Variants in B4GALNT2 observed in about 807,000 individuals in gnomAD.
The protein encoded by B4GALNT2 is N-acetylneuraminylgalactosylglucosyl-glucoside beta-1,4-N- acetylgalactosaminyltransferase 2.
A neutral mutation model predicts 51.1 loss-of-function variants in B4GALNT2; 42 were observed. That is an observed-to-expected ratio of 0.82 (90% confidence interval 0.64 to 1.06). B4GALNT2 has a LOEUF of 1.06. Among genes scored for constraint, B4GALNT2 ranks in the 50% least tolerant of loss-of-function variants. The probability of loss-of-function intolerance (pLI) is 0.00; values close to 1 mark genes in which losing one functional copy is unlikely to be tolerated. For missense variants in B4GALNT2, 602 were observed against 633.6 expected, an observed-to-expected ratio of 0.95 and a Z score of 0.54; for synonymous variants, 253 against 251.7, an observed-to-expected ratio of 1.01 and a Z score of -0.05.
intron 8 of B4GALNT2, 120 bp downstream of exon 8, chr17:49,164,395 G>A: frequency 2.3e-6 from 2 of 862,472 alleles, no homozygotes; most frequent in South Asian, 3.4e-5. Context: ...GAGTCCAGGA[G>A]TGGGAGTGGG....
intron 7 of B4GALNT2, among the ~76,000 whole-genome samples, chr17:49,161,014 C>T (rs1209720579): frequency 1.3e-5 from 2 of 152,102 alleles, no homozygotes; most frequent in Non-Finnish European, 2.9e-5. Context: ...GTGACTCATG[C>T]CTGTAATCTC....
In B4GALNT2 at chr17:49,170,006, C is replaced by A; in HGVS notation, c.*278C>A. The A allele has an allele frequency of 3.1e-6, 1 of 321,272 alleles. No homozygotes were observed. The allele number at this position is 321,272 out of a possible 1,614,324, so 19.9% of individuals were successfully genotyped here. The stretch of plus-strand genomic sequence containing the variant: ...CATTTGCATGGGCAGTATCTCACAT[C>A]ATCTCATCTGATATCACACAAAGAT... On this transcript the variant is annotated 3_prime_UTR_variant, in exon 11 of 11. Coordinates refer to ENST00000393354, the MANE Select transcript of B4GALNT2 (RefSeq NM_001159387.2).
chr17:49,140,541 T>G (rs1479652429), intron 1 of B4GALNT2, among the ~76,000 whole-genome samples: 1 of 152,222 alleles, frequency 6.6e-6, no homozygotes, highest in Admixed American at 6.5e-5. Context: ...TTTGTATTTC[T>G]AATCCTTCTT....
chr17:49,125,865 G>A, the B4GALNT2 span, among the ~76,000 whole-genome samples: 34,967 of 92,194 alleles, frequency 0.38, 4,218 homozygotes, highest in Middle Eastern at 0.48. Flanking sequence ...CACCCCGTCC[G>A]GGAGGGAGGT....
intron 1 of B4GALNT2, among the ~76,000 whole-genome samples, chr17:49,139,882 T>C (rs1390380939): frequency 6.6e-6 from 1 of 151,834 alleles, no homozygotes; most frequent in Non-Finnish European, 1.5e-5. Context: ...TACAGTTTTC[T>C]TTGTGTCCTA....
intron 7 of B4GALNT2, among the ~76,000 whole-genome samples, chr17:49,163,485 G>C (rs996688082): frequency 6.6e-6 from 1 of 152,134 alleles, no homozygotes; most frequent in Admixed American, 6.6e-5. Flanking sequence ...GCCAGAAGCA[G>C]TGGCTCATGC....
chr17:49,141,123 G>A (rs1189350763), intron 1 of B4GALNT2, 124 bp from the exon 2 acceptor site: 7 of 842,728 alleles, frequency 8.3e-6, no homozygotes, highest in Admixed American at 2.1e-5. Flanking sequence ...ATCAGAAATC[G>A]ATTTTAGTGA....
At chr17:49,121,407 C>A in the B4GALNT2 span, among the ~76,000 whole-genome samples, 1 of 152,230 alleles carries the variant, frequency 6.6e-6, no homozygotes, top group Non-Finnish European at 1.5e-5. Flanking sequence ...TCAGGAACAA[C>A]TTTCAGAAAA....
chr17:49,152,155 T>G (rs1041068558), intron 3 of B4GALNT2, among the ~76,000 whole-genome samples: 5 of 152,116 alleles, frequency 3.3e-5, no homozygotes, highest in African/African-American at 4.8e-5. Flanking sequence ...GGCAGGAGGA[T>G]TGCTTGAGCC....
intron 7 of B4GALNT2, among the ~76,000 whole-genome samples, chr17:49,163,575 G>A (rs2042883093): frequency 6.6e-6 from 1 of 152,048 alleles, no homozygotes; most frequent in Non-Finnish European, 1.5e-5. Context: ...GGCCAACATA[G>A]TGAAACCCCA....
chr17:49,136,786 A>T (rs1368109529), intron 1 of B4GALNT2, among the ~76,000 whole-genome samples: 2 of 152,062 alleles, frequency 1.3e-5, no homozygotes, highest in African/African-American at 4.8e-5. Context: ...ACCTCAGGTG[A>T]TCTGCCTGTC....
intron 1 of B4GALNT2, among the ~76,000 whole-genome samples, chr17:49,140,871 A>G (rs898820693): frequency 1.3e-5 from 2 of 151,964 alleles, no homozygotes; most frequent in African/African-American, 4.8e-5. Flanking sequence ...GGCACACGCC[A>G]CCATGCCCAG....
intron 4 of B4GALNT2, among the ~76,000 whole-genome samples, chr17:49,155,809 C>T (rs534382138): frequency 6.6e-5 from 10 of 150,702 alleles, no homozygotes; most frequent in East Asian, 2.0e-4. Context: ...CTGCAAGCTC[C>T]GCCTCCCGGG....
chr17:49,169,995 G>A lies in B4GALNT2; in HGVS notation c.*267G>A, dbSNP rs753483605. The A allele has an allele frequency of 2.3e-5, 8 of 349,234 alleles. No homozygotes were observed. The highest frequency in any genetic ancestry group is 4.1e-5 in the Non-Finnish European group (8 of 193,160). 21.6% of individuals were successfully genotyped at this position (349,234 alleles called of 1,614,324 possible). A position where few individuals can be genotyped will look rare whatever the true frequency, so the allele number is the denominator to read the frequency against. On this transcript the variant is annotated 3_prime_UTR_variant, in exon 11 of 11. Transcript: ENST00000393354. ...CTTTTTTGAAGCATTTGCATGGGCA[G>A]TATCTCACATCATCTCATCTGATAT...
At chr17:49,125,651 T>TG in the B4GALNT2 span, among the ~76,000 whole-genome samples, 29 of 142,932 alleles carry the variant, frequency 2.0e-4, 1 homozygote, top group South Asian at 6.4e-3. Context: ...CGGCCCCGTC[T>TG]GGGGGGTGAG....
At chr17:49,163,303 T>C (rs2042881009) in intron 7 of B4GALNT2, among the ~76,000 whole-genome samples, 1 of 152,200 alleles carries the variant, frequency 6.6e-6, no homozygotes. Context: ...TAACCATGTC[T>C]TCCTGAGGAT....
intron 5 of B4GALNT2, among the ~76,000 whole-genome samples, chr17:49,158,109 G>A (rs1433337879): frequency 6.6e-6 from 1 of 152,162 alleles, no homozygotes; most frequent in Non-Finnish European, 1.5e-5. Flanking sequence ...GGCTGTCTGT[G>A]TGCAGAAAAG....
chr17:49,159,334 GTTTGTTTTGT>G (rs139717167), intron 6 of B4GALNT2, 117 bp downstream of exon 6: 23 of 979,226 alleles, frequency 2.3e-5, no homozygotes, highest in African/African-American at 6.5e-5. Flanking sequence ...GTGTGTGTTT[GTTTGTTTTGT>G]TTTGTTTTGT....
chr17:49,132,896 A>G, intron 1 of B4GALNT2, 90 bp downstream of exon 1: 1 of 1,377,418 alleles, frequency 7.3e-7, no homozygotes. Context: ...CAGAGCGGGC[A>G]GGTGCTGGGG....
Sources: allele counts gnomAD v4.1 joint callset (sites outside exome capture counted in the v4.1 genomes callset), GRCh38; gene constraint gnomAD v4.1.1; transcripts MANE v1.5; gene names NCBI Gene and HGNC (gene_info 2026-07-23, HGNC 2026-07-21).